The following F8 variants were observed in gnomAD, a reference collection of about 807,000 sequenced individuals.
F8 encodes coagulation factor VIII.
In F8, 12 loss-of-function variants were observed where a neutral mutation model predicts 140.6. The observed-to-expected ratio is 0.09, with a 90% CI of 0.05 to 0.14. The LOEUF is 0.14. Ranked by LOEUF, F8 falls within the 10% of genes least tolerant of loss-of-function variation. The pLI is 1.00. For synonymous variants in F8, 585 were observed against 614.6 expected (o/e 0.95, Z 0.71); for missense variants, 1,354 against 1,720.7 (o/e 0.79, Z 3.77).
chrX:154,918,560 G>A (rs2073112103), intron 14 of F8, among the ~76,000 whole-genome samples: 1 of 108,471 alleles, frequency 9.2e-6, no homozygotes. Context: ...CATGGTGCCT[G>A]GCAGCTTGGG....
intron 14 of F8, among the ~76,000 whole-genome samples, chrX:154,911,712 T>C (rs1283574766): frequency 1.8e-5 from 2 of 112,139 alleles, no homozygotes; most frequent in Non-Finnish European, 3.8e-5. Context: ...TGTCTTTGGA[T>C]ATATATCCAG....
chrX:154,907,900 G>A (rs57666875), intron 14 of F8, among the ~76,000 whole-genome samples: 2 of 110,602 alleles, frequency 1.8e-5, no homozygotes, highest in African/African-American at 3.3e-5. Flanking sequence ...TTACCATTCC[G>A]TGGCTAATCT....
Position 154,985,407 on chromosome X carries a change from A to G in F8, c.671-604T>C, listed in dbSNP as rs781823432. 1.7e-4 allele frequency among the ~76,000 whole-genome samples: 19 copies of G among 110,764 alleles called. 1 individual carries two copies. The highest frequency in any genetic ancestry group is 3.2e-4 in the Non-Finnish European group (17 of 52,776). On this transcript the variant is annotated intron_variant, in intron 5 of 25. Transcript: ENST00000360256. ...GCCAAGATTGTGCCACTGCACTCCA[A>G]CCTGGGCAACAGAGTGAGACTCGAT...
At chrX:155,009,587 T>C (rs2073695846) in intron 1 of F8, among the ~76,000 whole-genome samples, 1 of 109,835 alleles carries the variant, frequency 9.1e-6, no homozygotes, top group African/African-American at 3.3e-5. Context: ...ATACAAAAAT[T>C]AGCTGGGCGT....
chrX:154,957,312 AT>A, intron 10 of F8, 141 bp from the exon 11 acceptor site: 1 of 508,616 alleles, frequency 2.0e-6, no homozygotes, highest in Non-Finnish European at 3.3e-6. Flanking sequence ...AGTCGCACCT[AT>A]TATAATTTTA....
At chrX:154,891,980 C>T (rs2072947150) in intron 22 of F8, among the ~76,000 whole-genome samples, 1 of 111,828 alleles carries the variant, frequency 8.9e-6, no homozygotes, top group South Asian at 3.7e-4. Context: ...GCTTCAGAGA[C>T]TGGGGAGTGG....
chrX:154,855,302 G>C (rs2072643916), intron 25 of F8, among the ~76,000 whole-genome samples: 1 of 111,562 alleles, frequency 9.0e-6, no homozygotes, highest in African/African-American at 3.3e-5. Flanking sequence ...AAAAGGAGGA[G>C]CTCAGGAATT....
intron 13 of F8, among the ~76,000 whole-genome samples, chrX:154,935,824 G>C (rs1300741306): frequency 1.8e-5 from 2 of 111,472 alleles, no homozygotes; most frequent in African/African-American, 6.5e-5. Flanking sequence ...GCATATTCAA[G>C]AGCTGTGTGA....
intron 6 of F8, among the ~76,000 whole-genome samples, chrX:154,977,604 G>A (rs1434150367): frequency 2.0e-5 from 2 of 99,117 alleles, no homozygotes; most frequent in Non-Finnish European, 4.0e-5. Context: ...CTCCTGGCTT[G>A]TAAAGTTTCT....
intron 25 of F8, among the ~76,000 whole-genome samples, chrX:154,856,314 G>T (rs1361083308): frequency 8.9e-6 from 1 of 112,351 alleles, no homozygotes; most frequent in African/African-American, 3.2e-5. Context: ...CCTTACAGCA[G>T]GACCTGCAGT....
intron 3 of F8, among the ~76,000 whole-genome samples, chrX:154,995,444 G>A (rs914387276): frequency 1.3e-4 from 14 of 111,970 alleles, no homozygotes; most frequent in Non-Finnish European, 1.1e-4. Context: ...GTTGTTGGTA[G>A]AATAGGTGGA....
At position 154,874,013 on chromosome X, in the gene F8, T is replaced by C. The variant is rs781847409; in HGVS notation, c.6430-10786A>G. 6.2e-3 allele frequency among the ~76,000 whole-genome samples: 695 copies of C among 112,307 alleles called. 2 individuals are homozygous for C. The highest frequency in any genetic ancestry group is 0.028 in the Middle Eastern group (6 of 218). On this transcript the variant is annotated intron_variant, in intron 22 of 25. Transcript: ENST00000360256. ...TGGGATTGCATTAAACTAAAAACTT[T>C]CTGCACAGCAAAAGAAATAATCAAC...
chrX:154,927,138 A>G (rs1183489325), intron 14 of F8, among the ~76,000 whole-genome samples: 2 of 111,841 alleles, frequency 1.8e-5, no homozygotes, highest in African/African-American at 6.5e-5. Context: ...CAGTAATGTA[A>G]AGATCAATAA....
At chrX:154,838,122 G>T (rs781889014) in intron 25 of F8, among the ~76,000 whole-genome samples, 3 of 112,600 alleles carry the variant, frequency 2.7e-5, no homozygotes, top group Non-Finnish European at 3.8e-5. Context: ...CATGGCAAGA[G>T]CTCAGAAAAT....
At chrX:154,844,439 C>T (rs1169425050) in intron 25 of F8, among the ~76,000 whole-genome samples, 1 of 111,491 alleles carries the variant, frequency 9.0e-6, no homozygotes, top group African/African-American at 3.3e-5. Flanking sequence ...AATGTTCTTC[C>T]ATTTGTTTGT....
At chrX:154,972,870 C>T (rs782164401) in intron 6 of F8, among the ~76,000 whole-genome samples, 11 of 109,177 alleles carry the variant, frequency 1.0e-4, no homozygotes, top group Non-Finnish European at 1.3e-4. Flanking sequence ...TGTGCCACCA[C>T]ACCTGGCTAA....
At chrX:155,020,749 C>T (rs2073756274) in intron 1 of F8, among the ~76,000 whole-genome samples, 1 of 112,082 alleles carries the variant, frequency 8.9e-6, no homozygotes, top group Non-Finnish European at 1.9e-5. Flanking sequence ...AGATGCTCAA[C>T]TTATTAGAAA....
intron 1 of F8, among the ~76,000 whole-genome samples, chrX:155,003,960 CA>C (rs869097926): frequency 0.24 from 7,991 of 33,161 alleles, 175 homozygotes; most frequent in South Asian, 0.28. Flanking sequence ...GATTCTGTCT[CA>C]AAAAAAAAAA....
At chrX:155,002,866 G>A (rs2073654014) in intron 1 of F8, among the ~76,000 whole-genome samples, 1 of 111,855 alleles carries the variant, frequency 8.9e-6, no homozygotes, top group African/African-American at 3.3e-5. Context: ...TTCTGTTTTA[G>A]TTTTGATAGT....
Sources: gnomAD v4.1 joint callset for allele counts (sites outside exome capture counted in the v4.1 genomes callset) on GRCh38, gnomAD v4.1.1 for gene constraint, MANE v1.5 for transcripts, NCBI Gene and HGNC (gene_info 2026-07-23, HGNC 2026-07-21) for gene names.